Variants in SLC6A11 observed in about 807,000 individuals in gnomAD.
The protein encoded by SLC6A11 is sodium- and chloride-dependent GABA transporter 3.
Under a neutral mutation model 74.8 loss-of-function variants are expected in SLC6A11, and 25 were observed. That is an observed-to-expected ratio of 0.33 (90% confidence interval 0.24 to 0.47). SLC6A11 has a LOEUF of 0.47. Among genes scored for constraint, SLC6A11 ranks in the 20% least tolerant of loss-of-function variants. The pLI is 1.00. For synonymous variants in SLC6A11, 330 were observed against 330.2 expected (o/e 1.00, Z 0.01); for missense variants, 574 against 837.0 (o/e 0.69, Z 3.88).
chr3:10,847,947 G>C (rs983187842), intron 5 of SLC6A11, among the ~76,000 whole-genome samples: 4 of 152,158 alleles, frequency 2.6e-5, no homozygotes. Context: ...AAGGCTGTTC[G>C]AGTAGGAAGA....
chr3:10,871,029 TGTAGAA>T (rs1324472968), intron 5 of SLC6A11, among the ~76,000 whole-genome samples: 1 of 152,178 alleles, frequency 6.6e-6, no homozygotes, highest in Non-Finnish European at 1.5e-5. Flanking sequence ...CTAAATATAA[TGTAGAA>T]GTAGAGCATC....
chr3:10,819,157 T>A (rs1417057819), intron 1 of SLC6A11, among the ~76,000 whole-genome samples: 2 of 152,202 alleles, frequency 1.3e-5, no homozygotes, highest in African/African-American at 4.8e-5. Context: ...AAATTTTTTT[T>A]AAATGAGCCA....
At chr3:10,867,153 A>G (rs1342981733) in intron 5 of SLC6A11, among the ~76,000 whole-genome samples, 2 of 152,196 alleles carry the variant, frequency 1.3e-5, no homozygotes, top group Non-Finnish European at 2.9e-5. Context: ...GCGGGACTGC[A>G]CAGTGTCCTC....
At position 10,819,442 on chromosome 3, in the gene SLC6A11, T is replaced by G. The variant is rs770851004; in HGVS notation, c.257-23T>G. On this transcript the variant is annotated intron_variant, in intron 1 of 13. Transcript: ENST00000254488. Reference sequence around the variant, plus strand: ...ATGAATCGGCAGGGACAGTTTTCATTTCATTCCTTTGCATCCTTACAGGGG... The same window carrying G: ...ATGAATCGGCAGGGACAGTTTTCATGTCATTCCTTTGCATCCTTACAGGGG... The G allele has an allele frequency of 2.5e-6, 4 of 1,598,800 alleles. No individual in the cohort carries two copies. In the South Asian group the frequency reaches 4.6e-5, roughly 18 times the overall value.
chr3:10,861,327 G>C (rs1694700755), intron 5 of SLC6A11, among the ~76,000 whole-genome samples: 1 of 152,176 alleles, frequency 6.6e-6, no homozygotes, highest in Non-Finnish European at 1.5e-5. Flanking sequence ...ACCAGTCTGA[G>C]CAACATAGCA....
intron 1 of SLC6A11, among the ~76,000 whole-genome samples, chr3:10,818,742 G>A (rs548700432): frequency 6.6e-6 from 1 of 152,326 alleles, no homozygotes; most frequent in African/African-American, 2.4e-5. Flanking sequence ...CATTCTGGGT[G>A]TAATAGTTCA....
chr3:10,918,474 G>A lies in SLC6A11; in HGVS notation c.1120+21G>A, dbSNP rs1695489054. 1.3e-6 allele frequency: 2 copies of A among 1,599,994 alleles called. No homozygotes were observed. Among genetic ancestry groups the A allele is most frequent in the African/African-American group, 1.4e-5 (1 of 73,792 alleles). ...GTCAGGTAAGTTCGCCAAAGGTGGGGATGGAAAAGGCGGCAAGGGAGGCCA... is the reference window on the plus strand; with the variant it reads ...GTCAGGTAAGTTCGCCAAAGGTGGGAATGGAAAAGGCGGCAAGGGAGGCCA... On this transcript the variant is annotated intron_variant, in intron 8 of 13. Transcript: ENST00000254488. This position sits in a 1 kb window ranked among gnomAD's most constrained non-coding sequence, Gnocchi z 4.5.
intron 8 of SLC6A11, among the ~76,000 whole-genome samples, chr3:10,922,444 A>G (rs1280097118): frequency 6.6e-6 from 1 of 152,210 alleles, no homozygotes; most frequent in African/African-American, 2.4e-5. Flanking sequence ...TAAAAAGCAG[A>G]TATCTATAGT....
chr3:10,821,663 A>G (rs575048210), intron 3 of SLC6A11, among the ~76,000 whole-genome samples: 1 of 152,316 alleles, frequency 6.6e-6, no homozygotes, highest in South Asian at 2.1e-4. Flanking sequence ...TCTGTAGTAT[A>G]GTTGGTATTT....
At chr3:10,871,599 G>A (rs780887528) in intron 5 of SLC6A11, among the ~76,000 whole-genome samples, 13 of 152,306 alleles carry the variant, frequency 8.5e-5, no homozygotes, top group Admixed American at 2.6e-4. Flanking sequence ...AAATGCCGAA[G>A]ATCTATCATA....
At chr3:10,834,471 G>A (rs1033815235) in intron 4 of SLC6A11, among the ~76,000 whole-genome samples, 2 of 151,968 alleles carry the variant, frequency 1.3e-5, no homozygotes, top group African/African-American at 4.8e-5. Flanking sequence ...AACAATGTAA[G>A]CCCTGTGGGT....
chr3:10,816,651 G>GC lies in SLC6A11; in HGVS notation c.256+131dup. On this transcript the variant is annotated intron_variant, in intron 1 of 13. Coordinates refer to ENST00000254488, the MANE Select transcript of SLC6A11 (RefSeq NM_014229.3). This position sits in a 1 kb window ranked among gnomAD's most constrained non-coding sequence, Gnocchi z 4.2. ...CCCGAGCGGAGAACCTCGACTCCAG[G>GC]CACCTCGCGTGTGAGCTCGCCCCGG... is the stretch of plus-strand genomic sequence containing the variant. 1.0e-6 allele frequency: 1 copy of GC among 1,003,972 alleles called. No homozygotes were observed. The allele number at this position is 1,003,972 out of a possible 1,614,324, so 62.2% of individuals were successfully genotyped here.
intron 4 of SLC6A11, chr3:10,823,706 C>G: frequency 3.6e-6 from 1 of 279,942 alleles, no homozygotes; most frequent in East Asian, 7.3e-5. Context: ...GGAGATGCAG[C>G]CTGTTTGCAA....
At chr3:10,895,085 G>A (rs535409561) in intron 6 of SLC6A11, among the ~76,000 whole-genome samples, 116 of 152,156 alleles carry the variant, frequency 7.6e-4, no homozygotes, top group Non-Finnish European at 1.2e-3. Flanking sequence ...AGCCTATGGT[G>A]TTGTTGTGAG....
intron 6 of SLC6A11, among the ~76,000 whole-genome samples, chr3:10,882,451 A>C (rs1202190182): frequency 6.6e-6 from 1 of 152,066 alleles, no homozygotes; most frequent in Non-Finnish European, 1.5e-5. Context: ...CGCAGATGCC[A>C]TTCAGTTTGC....
intron 4 of SLC6A11, among the ~76,000 whole-genome samples, chr3:10,843,355 CT>C (rs1269881336): frequency 1.3e-5 from 2 of 152,114 alleles, no homozygotes; most frequent in African/African-American, 4.8e-5. Flanking sequence ...CTCTGCTTAC[CT>C]TTCCTGCTTT....
At chr3:10,920,447 A>G (rs553540727) in intron 8 of SLC6A11, among the ~76,000 whole-genome samples, 2 of 152,322 alleles carry the variant, frequency 1.3e-5, no homozygotes, top group South Asian at 2.1e-4. Flanking sequence ...TCCATTTATA[A>G]TAAAGCATGA....
At chr3:10,894,028 A>G (rs547715808) in intron 6 of SLC6A11, among the ~76,000 whole-genome samples, 6 of 152,296 alleles carry the variant, frequency 3.9e-5, no homozygotes, top group African/African-American at 1.2e-4. Flanking sequence ...CCCGAAGCCA[A>G]GGCCACTGTG....
intron 5 of SLC6A11, among the ~76,000 whole-genome samples, chr3:10,852,599 G>A (rs1433946244): frequency 6.6e-6 from 1 of 152,248 alleles, no homozygotes; most frequent in African/African-American, 2.4e-5. Flanking sequence ...GAGAAGGCCA[G>A]GAGTCCCAGT....
Sources: allele counts gnomAD v4.1 joint callset (sites outside exome capture counted in the v4.1 genomes callset), GRCh38; gene constraint gnomAD v4.1.1; non-coding constraint Gnocchi (gnomAD v3.1); transcripts MANE v1.5; gene names NCBI Gene and HGNC (gene_info 2026-07-23, HGNC 2026-07-21).